The following PINX1 variants were observed in gnomAD, a reference collection of about 807,000 sequenced individuals.
PINX1 encodes PIN2/TERF1-interacting telomerase inhibitor 1.
PINX1 carries 34 observed loss-of-function variants against 25.4 expected under a neutral mutation model. The observed-to-expected ratio is 1.34, with a 90% confidence interval of 1.02 to 1.78. The LOEUF is 1.78. PINX1 is among the 40% of genes most tolerant of loss of function. PINX1 has a pLI of 0.00. For synonymous variants in PINX1, 197 were observed against 147.7 expected (o/e 1.33, Z -2.42); for missense variants, 592 against 404.9 (o/e 1.46, Z -3.97).
intron 6 of PINX1, among the ~76,000 whole-genome samples, chr8:10,793,170 G>A (rs756881623): frequency 2.6e-5 from 4 of 152,294 alleles, no homozygotes; most frequent in Admixed American, 6.5e-5. Flanking sequence ...TAAGCTTGAA[G>A]AGCTCCTGCC....
At chr8:10,809,316 G>A (rs1161162412) in intron 6 of PINX1, among the ~76,000 whole-genome samples, 1 of 152,224 alleles carries the variant, frequency 6.6e-6, no homozygotes, top group Admixed American at 6.5e-5. Context: ...AGGCACACAT[G>A]TCTTCAAGCG....
intron 1 of PINX1, among the ~76,000 whole-genome samples, chr8:10,836,154 C>T (rs148664874): frequency 1.3e-3 from 196 of 152,090 alleles, no homozygotes; most frequent in Middle Eastern, 6.8e-3. Context: ...CTGTGGCACA[C>T]ATAAAATCAA....
Position 10,799,767 on chromosome 8 carries a change from T to A in PINX1, c.471+20426A>T, listed in dbSNP as rs577760725. On this transcript the variant is annotated intron_variant, in intron 6 of 6. Coordinates refer to ENST00000314787, the MANE Select transcript of PINX1 (RefSeq NM_017884.6). ...GGTAAGAGGAGCCGCTGGCAGGGGA[T>A]CAAGGGAGGACAATGTCCAAGGACT... is the stretch of plus-strand genomic sequence containing the variant. 6.2e-4 allele frequency among the ~76,000 whole-genome samples: 94 copies of A among 152,268 alleles called. No individual in the cohort carries two copies. In the Middle Eastern group the frequency reaches 0.014, roughly 22 times the overall value.
At chr8:10,817,675 C>G (rs1797742141) in intron 6 of PINX1, among the ~76,000 whole-genome samples, 1 of 152,202 alleles carries the variant, frequency 6.6e-6, no homozygotes, top group Non-Finnish European at 1.5e-5. Flanking sequence ...AGGTCAGCAG[C>G]AGTATCACCT....
chr8:10,781,504 G>C (rs1801584751), intron 6 of PINX1, among the ~76,000 whole-genome samples: 1 of 152,166 alleles, frequency 6.6e-6, no homozygotes, highest in African/African-American at 2.4e-5. Flanking sequence ...TCAGTAGCAA[G>C]AAAATACATA....
intron 6 of PINX1, among the ~76,000 whole-genome samples, chr8:10,812,535 T>G (rs749961212): frequency 6.6e-6 from 1 of 152,208 alleles, no homozygotes; most frequent in African/African-American, 2.4e-5. Context: ...TTCCTTTTCC[T>G]GAGTTGTTAC....
chr8:10,766,392 C>T (rs183929923), intron 6 of PINX1, among the ~76,000 whole-genome samples: 14 of 152,278 alleles, frequency 9.2e-5, no homozygotes, highest in East Asian at 3.9e-4. Flanking sequence ...GAAACTTAGA[C>T]GCCATCTGGA....
At chr8:10,830,833 G>A (rs560972119) in intron 4 of PINX1, among the ~76,000 whole-genome samples, 42 of 152,316 alleles carry the variant, frequency 2.8e-4, no homozygotes, top group Middle Eastern at 3.4e-3. Flanking sequence ...GTTAGGATAT[G>A]GAGAAATTGG....
chr8:10,774,970 A>G (rs1204766438), intron 6 of PINX1, among the ~76,000 whole-genome samples: 2 of 152,236 alleles, frequency 1.3e-5, no homozygotes, highest in Non-Finnish European at 2.9e-5. Context: ...TCACAATAAA[A>G]AAAAGGCAAT....
intron 6 of PINX1, among the ~76,000 whole-genome samples, chr8:10,776,667 T>C (rs1419396178): frequency 6.6e-6 from 1 of 152,040 alleles, no homozygotes; most frequent in Non-Finnish European, 1.5e-5. Context: ...GATGATGACC[T>C]CAGGCTGCCC....
At chr8:10,814,196 CA>C (rs1176918358) in intron 6 of PINX1, among the ~76,000 whole-genome samples, 1 of 152,144 alleles carries the variant, frequency 6.6e-6, no homozygotes, top group Non-Finnish European at 1.5e-5. Flanking sequence ...CAATATACAA[CA>C]AAGATGGTGG....
At chr8:10,811,108 T>C (rs1586181435) in intron 6 of PINX1, among the ~76,000 whole-genome samples, 1 of 152,250 alleles carries the variant, frequency 6.6e-6, no homozygotes, top group East Asian at 1.9e-4. Context: ...GCTGGGCACT[T>C]CGCTAAGAGT....
At chr8:10,804,390 G>C (rs945810257) in intron 6 of PINX1, among the ~76,000 whole-genome samples, 5 of 152,296 alleles carry the variant, frequency 3.3e-5, no homozygotes, top group South Asian at 4.1e-4. Flanking sequence ...ACACAGAGCT[G>C]GGTGAGAAGA....
Position 10,839,859 on chromosome 8 carries a change from G to T in PINX1, c.-103C>A. ...TCAGGACGTGCGTAACTCCCTCGCC[G>T]GCGGACTGCAGCGGACGGGGCGCGT... On this transcript the variant is annotated 5_prime_UTR_variant, in exon 1 of 7. Coordinates refer to ENST00000314787, the MANE Select transcript of PINX1 (RefSeq NM_017884.6). 1 of 1,165,686 alleles carries T rather than the reference G, an allele frequency of 8.6e-7. No homozygotes were observed. Among genetic ancestry groups the T allele is most frequent in the East Asian group, 2.8e-5 (1 of 35,800 alleles). 72.2% of individuals were successfully genotyped at this position (1,165,686 alleles called of 1,614,324 possible). A position where few individuals can be genotyped will look rare whatever the true frequency, so the allele number is the denominator to read the frequency against.
chr8:10,813,873 G>GGAAACT (rs1398181318), intron 6 of PINX1, among the ~76,000 whole-genome samples: 1 of 150,392 alleles, frequency 6.6e-6, no homozygotes, highest in African/African-American at 2.5e-5. Flanking sequence ...GAGAGAGGAA[G>GGAAACT]GAAACTGGGA....
At chr8:10,788,614 C>T (rs149926967) in intron 6 of PINX1, among the ~76,000 whole-genome samples, 1,921 of 152,170 alleles carry the variant, frequency 0.013, 19 homozygotes, top group Non-Finnish European at 0.017. Context: ...GGTATAATAT[C>T]ATTAGAGTTC....
Position 10,824,233 on chromosome 8 carries a change from G to A in PINX1, c.394+1919C>T, listed in dbSNP as rs73662635. The stretch of plus-strand genomic sequence containing the variant: ...AAATGGGTAGGTGACTTGTCTGAGC[G>A]AGTAATGGCCAGAGTGAGATTTTCT... On this transcript the variant is annotated intron_variant, in intron 5 of 6. Transcript: ENST00000314787. Among the ~76,000 whole-genome samples the A allele has an allele frequency of 4.0e-3, 616 of 152,260 alleles. 10 individuals are homozygous for A. Among genetic ancestry groups the A allele is most frequent in the African/African-American group, 0.014 (593 of 41,540 alleles).
In PINX1 at chr8:10,765,426, T is replaced by A; in HGVS notation, c.962A>T (p.Lys321Met). ...DATLEETLVK[K>M]KKKKDSK ...TCATTTGGAATCTTTCTTCTTCTTC[T>A]TTTTCACTAGCGTTTCTTCTAGTGT... Residue 321 changes from lysine to methionine, a missense_variant, in exon 7 of 7, where the codon AAG becomes ATG. By Grantham distance (95) the Lys-to-Met change is moderately conservative. Transcript: ENST00000314787. The A allele has an allele frequency of 3.1e-6, 5 of 1,605,494 alleles. No homozygotes were observed. Among genetic ancestry groups the A allele is most frequent in the Non-Finnish European group, 4.2e-6 (5 of 1,177,536 alleles).
intron 6 of PINX1, among the ~76,000 whole-genome samples, chr8:10,799,357 G>A (rs568803029): frequency 2.6e-5 from 4 of 152,240 alleles, no homozygotes; most frequent in South Asian, 2.1e-4. Flanking sequence ...TTTTACAAGC[G>A]AACAGTTCTC....
Sources: allele counts gnomAD v4.1 joint callset (sites outside exome capture counted in the v4.1 genomes callset), GRCh38; gene constraint gnomAD v4.1.1; transcripts MANE v1.5; gene names NCBI Gene and HGNC (gene_info 2026-07-23, HGNC 2026-07-21).